Variants in SGCD observed in about 807,000 individuals in gnomAD.
SGCD encodes delta-sarcoglycan.
SGCD carries 18 observed loss-of-function variants against 36.6 expected under a neutral mutation model. The observed-to-expected ratio is 0.49, with a 90% confidence interval of 0.34 to 0.73. SGCD has a LOEUF of 0.73. Ranked by LOEUF, SGCD falls within the 30% of genes least tolerant of loss-of-function variation. The pLI is 0.01. For synonymous variants in SGCD, 133 were observed against 130.6 expected (o/e 1.02, Z -0.12); for missense variants, 387 against 346.7 (o/e 1.12, Z -0.92).
chr5:156,304,226 C>G (rs984172347), intron 3 of SGCD, among the ~76,000 whole-genome samples: 3 of 152,150 alleles, frequency 2.0e-5, no homozygotes, highest in African/African-American at 7.2e-5. Context: ...TTGCTTTTTG[C>G]TATGACAAGT....
intron 3 of SGCD, among the ~76,000 whole-genome samples, chr5:156,212,543 C>A (rs1479614020): frequency 2.0e-5 from 3 of 152,026 alleles, no homozygotes; most frequent in Admixed American, 6.5e-5. Context: ...TGCAATACAA[C>A]AACAGTAGAG....
chr5:155,963,049 A>C (rs1239714304), intron 1 of SGCD, among the ~76,000 whole-genome samples: 1 of 152,090 alleles, frequency 6.6e-6, no homozygotes, highest in Non-Finnish European at 1.5e-5. Context: ...TTGGCTCTGA[A>C]CTAAGTTGAA....
chr5:156,700,106 A>G (rs1034165227), intron 7 of SGCD, among the ~76,000 whole-genome samples: 4 of 152,140 alleles, frequency 2.6e-5, no homozygotes, highest in African/African-American at 9.6e-5. Flanking sequence ...TCCTCAGTCA[A>G]TCTAATTCTT....
the SGCD span, among the ~76,000 whole-genome samples, chr5:155,829,031 T>C: frequency 2.6e-5 from 4 of 152,034 alleles, no homozygotes; most frequent in African/African-American, 9.7e-5. Flanking sequence ...CATGGTTCGG[T>C]CCTAATGGAG....
At chr5:155,790,372 C>T in the SGCD span, among the ~76,000 whole-genome samples, 3 of 151,982 alleles carry the variant, frequency 2.0e-5, no homozygotes, top group Non-Finnish European at 4.4e-5. Flanking sequence ...ACTTAAACTT[C>T]CAGAGAATCA....
At chr5:156,656,741 C>A (rs1251996772) in intron 7 of SGCD, among the ~76,000 whole-genome samples, 3 of 152,268 alleles carry the variant, frequency 2.0e-5, no homozygotes, top group Non-Finnish European at 4.4e-5. Flanking sequence ...AATCTCAAAT[C>A]TATTGAAAAG....
intron 6 of SGCD, among the ~76,000 whole-genome samples, chr5:156,606,097 G>A (rs1761435778): frequency 6.6e-6 from 1 of 152,162 alleles, no homozygotes; most frequent in South Asian, 2.1e-4. Context: ...TGCTTTTGGT[G>A]TTTTAGACAT....
At chr5:155,783,128 G>A in the SGCD span, among the ~76,000 whole-genome samples, 4 of 152,084 alleles carry the variant, frequency 2.6e-5, no homozygotes, top group African/African-American at 4.8e-5. Context: ...TTTTTCTGAA[G>A]CAACTTGAAG....
intron 3 of SGCD, among the ~76,000 whole-genome samples, chr5:156,408,839 C>A (rs905859312): frequency 5.3e-5 from 8 of 152,200 alleles, no homozygotes; most frequent in African/African-American, 1.9e-4. Flanking sequence ...GCTCTTCAGT[C>A]AGATTTACCA....
At chr5:156,076,604 T>G (rs888350058) in intron 1 of SGCD, among the ~76,000 whole-genome samples, 2 of 152,216 alleles carry the variant, frequency 1.3e-5, no homozygotes, top group Non-Finnish European at 2.9e-5. Context: ...AAGTTTGATA[T>G]CTGATATTTC....
intron 3 of SGCD, among the ~76,000 whole-genome samples, chr5:156,128,321 A>G (rs779765981): frequency 1.3e-5 from 2 of 152,190 alleles, no homozygotes; most frequent in East Asian, 1.9e-4. Context: ...TTGAAAACCA[A>G]TTTGGCAGTT....
At chr5:156,021,635 G>A (rs1002738534) in intron 1 of SGCD, among the ~76,000 whole-genome samples, 1 of 152,224 alleles carries the variant, frequency 6.6e-6, no homozygotes, top group Admixed American at 6.5e-5. Context: ...GCAATGTGAT[G>A]TTCAAGAAGA....
chr5:156,188,673 C>CA (rs1300025277), intron 3 of SGCD, among the ~76,000 whole-genome samples: 1 of 133,360 alleles, frequency 7.5e-6, no homozygotes, highest in Non-Finnish European at 1.6e-5. Context: ...CAACCGCCCC[C>CA]CCCGACACAC....
chr5:156,514,800 T>C lies in SGCD; in HGVS notation c.294+6098T>C, dbSNP rs138086322. 3.1e-3 allele frequency among the ~76,000 whole-genome samples: 474 copies of C among 152,322 alleles called. 12 individuals carry two copies. In the East Asian group the frequency reaches 0.05, roughly 16 times the overall value. Reference sequence around the variant, plus strand: ...TTGAACAATTGTTTAACCTTTCAAATGCTTGTTTTCTTACCTGCACAACTG... The same window carrying C: ...TTGAACAATTGTTTAACCTTTCAAACGCTTGTTTTCTTACCTGCACAACTG... On this transcript the variant is annotated intron_variant, in intron 4 of 8. Coordinates refer to ENST00000337851, the MANE Select transcript of SGCD (RefSeq NM_000337.6).
intron 3 of SGCD, among the ~76,000 whole-genome samples, chr5:156,309,476 T>C (rs1252370587): frequency 2.0e-5 from 3 of 152,070 alleles, no homozygotes; most frequent in Non-Finnish European, 2.9e-5. Flanking sequence ...TCAGGTATTA[T>C]ACATTTCAGT....
chr5:155,826,852 G>A, the SGCD span, among the ~76,000 whole-genome samples: 1 of 152,176 alleles, frequency 6.6e-6, no homozygotes, highest in Non-Finnish European at 1.5e-5. Flanking sequence ...ATCTTAGAAT[G>A]CTAGTTTCCA....
At chr5:156,634,984 C>T (rs545842093) in intron 6 of SGCD, among the ~76,000 whole-genome samples, 5 of 152,180 alleles carry the variant, frequency 3.3e-5, no homozygotes, top group South Asian at 2.1e-4. Context: ...AATGCTTTGA[C>T]GGCTGAGGTG....
intron 1 of SGCD, among the ~76,000 whole-genome samples, chr5:155,899,752 G>C (rs1756347004): frequency 6.6e-6 from 1 of 152,122 alleles, no homozygotes; most frequent in South Asian, 2.1e-4. Flanking sequence ...AGGATCTTTG[G>C]AAAATGATTT....
At chr5:156,709,814 T>A (rs1012016074) in intron 7 of SGCD, among the ~76,000 whole-genome samples, 1 of 146,314 alleles carries the variant, frequency 6.8e-6, no homozygotes, top group South Asian at 2.2e-4. Context: ...TTCTTGGTAC[T>A]TATGTTCCTG....
Sources: gnomAD v4.1 joint callset for allele counts (sites outside exome capture counted in the v4.1 genomes callset) on GRCh38, gnomAD v4.1.1 for gene constraint, MANE v1.5 for transcripts, NCBI Gene and HGNC (gene_info 2026-07-23, HGNC 2026-07-21) for gene names.